Variants in MREG observed in about 807,000 individuals in gnomAD.
MREG encodes dilute suppressor protein homolog.
Under a neutral mutation model 28.5 loss-of-function variants are expected in MREG, and 31 were observed. That is an observed-to-expected ratio of 1.09 (90% CI 0.82 to 1.47). The LOEUF (loss-of-function observed/expected upper bound fraction) is 1.47, where lower values mean the gene tolerates loss of function less well. Among genes scored for constraint, MREG ranks in the 40% most tolerant of loss-of-function variants. The probability of loss-of-function intolerance (pLI) is 0.00; values close to 1 mark genes in which losing one functional copy is unlikely to be tolerated. For synonymous variants in MREG, 106 were observed against 95.2 expected, an observed-to-expected ratio of 1.11 and a Z score of -0.66; for missense variants, 256 against 257.4, an observed-to-expected ratio of 0.99 and a Z score of 0.04.
intron 2 of MREG, among the ~76,000 whole-genome samples, chr2:215,994,530 G>C (rs1046513986): frequency 6.7e-6 from 1 of 149,398 alleles, no homozygotes; most frequent in Non-Finnish European, 1.5e-5. Context: ...ACATTCTGCA[G>C]ATGTATCCCA....
intron 2 of MREG, among the ~76,000 whole-genome samples, chr2:215,970,871 T>C (rs1182581674): frequency 6.6e-6 from 1 of 152,156 alleles, no homozygotes; most frequent in Non-Finnish European, 1.5e-5. Flanking sequence ...AGCAAAGACT[T>C]GGAACCAGCC....
At chr2:215,970,693 G>A (rs1305076423) in intron 2 of MREG, among the ~76,000 whole-genome samples, 1 of 152,214 alleles carries the variant, frequency 6.6e-6, no homozygotes, top group Non-Finnish European at 1.5e-5. Flanking sequence ...TTTACGAACT[G>A]TAGAGTGGAA....
chr2:215,949,063 C>CTAATAA (rs1491311719), intron 2 of MREG, among the ~76,000 whole-genome samples: 1 of 139,164 alleles, frequency 7.2e-6, no homozygotes, highest in Admixed American at 7.5e-5. Context: ...ACTACTACTA[C>CTAATAA]TACTACTACT....
At chr2:216,020,937 CAGAG>C (rs1165978229) in intron 1 of MREG, among the ~76,000 whole-genome samples, 1 of 152,188 alleles carries the variant, frequency 6.6e-6, no homozygotes, top group African/African-American at 2.4e-5. Flanking sequence ...ACCAAACAGA[CAGAG>C]AGAAATTATT....
At chr2:216,013,593 T>C (rs1694377567), upstream of MREG, 1 of 155,936 alleles carries the variant, frequency 6.4e-6, no homozygotes, top group African/African-American at 2.4e-5. Flanking sequence ...CCGAGCGCAA[T>C]TTGGGGCGCA....
At chr2:215,998,828 C>G (rs1224528979) in intron 1 of MREG, among the ~76,000 whole-genome samples, 1 of 152,162 alleles carries the variant, frequency 6.6e-6, no homozygotes, top group Admixed American at 6.5e-5. Flanking sequence ...GAGTACCGGG[C>G]TGGGTGCCAT....
At chr2:215,998,850 G>A (rs2106019987) in intron 1 of MREG, among the ~76,000 whole-genome samples, 1 of 152,342 alleles carries the variant, frequency 6.6e-6, no homozygotes, top group South Asian at 2.1e-4. Flanking sequence ...GGGACATGAA[G>A]ATAAATAGGA....
chr2:215,974,850 A>ACTCT (rs1265665357), intron 2 of MREG, among the ~76,000 whole-genome samples: 1 of 132,960 alleles, frequency 7.5e-6, no homozygotes, highest in Non-Finnish European at 1.6e-5. Context: ...ACACACACAC[A>ACTCT]CACTCTCTCT....
chr2:216,012,473 C>T (rs1431684062), intron 1 of MREG, among the ~76,000 whole-genome samples: 1 of 152,190 alleles, frequency 6.6e-6, no homozygotes, highest in African/African-American at 2.4e-5. Context: ...GGAATTCCAC[C>T]TGAAATACTG....
chr2:216,028,365 A>G (rs556707509), intron 1 of MREG, among the ~76,000 whole-genome samples: 101 of 145,948 alleles, frequency 6.9e-4, no homozygotes, highest in Middle Eastern at 3.4e-3. Flanking sequence ...CGTCACTACT[A>G]AAAATACAAA....
At chr2:216,016,208 T>C (rs1694447188), upstream of MREG, among the ~76,000 whole-genome samples, 1 of 152,210 alleles carries the variant, frequency 6.6e-6, no homozygotes, top group African/African-American at 2.4e-5. Context: ...CCACACCATG[T>C]CGCTTACCAC....
rs1469497177 is a variant in MREG at position 216,013,380 on chromosome 2, C to G, written c.-53G>C. ...GAAGCCTGGGGCCGAGTCGCCGCGG[C>G]GAGCGATCGAGGCTGGGGCGCGGCC... On this transcript the variant is annotated 5_prime_UTR_variant, in exon 1 of 5. Transcript: ENST00000263268. The G allele has an allele frequency of 1.4e-6, 2 of 1,382,132 alleles. No homozygotes were observed. Among genetic ancestry groups the G allele is most frequent in the East Asian group, 3.0e-5 (1 of 33,776 alleles). The allele number at this position is 1,382,132 out of a possible 1,614,324, so 85.6% of individuals were successfully genotyped here. A position where few individuals can be genotyped will look rare whatever the true frequency, so the allele number is the denominator to read the frequency against.
At chr2:215,950,993 C>T (rs1376106430) in intron 2 of MREG, among the ~76,000 whole-genome samples, 1 of 150,028 alleles carries the variant, frequency 6.7e-6, no homozygotes, top group Non-Finnish European at 1.5e-5. Context: ...CTTCCCCCTT[C>T]TCTCTCTCTC....
Position 215,943,681 on chromosome 2 carries a change from A to C in MREG, c.*1182T>G. 2.9e-6 allele frequency: 1 copy of C among 346,350 alleles called. No homozygotes were observed. Among genetic ancestry groups the C allele is most frequent in the Non-Finnish European group, 5.7e-6 (1 of 174,890 alleles). The allele number at this position is 346,350 out of a possible 1,614,324, so 21.5% of individuals were successfully genotyped here. A position where few individuals can be genotyped will look rare whatever the true frequency, so the allele number is the denominator to read the frequency against. ...ATGGTGAAACCCCGTCTCTACTAAA[A>C]ATACAAAAAATTAGCCAGGTGTGGT... On this transcript the variant is annotated 3_prime_UTR_variant, in exon 5 of 5. Transcript: ENST00000263268.
intron 1 of MREG, among the ~76,000 whole-genome samples, chr2:215,999,125 C>T (rs557918678): frequency 8.5e-5 from 13 of 152,120 alleles, no homozygotes; most frequent in Non-Finnish European, 1.8e-4. Context: ...GTTGGGGAAT[C>T]GAAGTATTCC....
intron 2 of MREG, among the ~76,000 whole-genome samples, chr2:215,991,577 C>T (rs556730192): frequency 7.0e-4 from 105 of 149,510 alleles, no homozygotes; most frequent in African/African-American, 1.6e-3. Flanking sequence ...CACGAAAAAC[C>T]GTTCAAAAAA....
chr2:216,001,871 A>C (rs1694021626), intron 1 of MREG, among the ~76,000 whole-genome samples: 1 of 152,172 alleles, frequency 6.6e-6, no homozygotes, highest in South Asian at 2.1e-4. Flanking sequence ...CAAATGGCCT[A>C]AAGAGAAGCA....
intron 1 of MREG, among the ~76,000 whole-genome samples, chr2:216,004,385 G>A (rs114017008): frequency 0.018 from 2,814 of 152,192 alleles, 81 homozygotes; most frequent in African/African-American, 0.063. Flanking sequence ...CAAAAGCCAC[G>A]AGGACAGGGA....
chr2:215,989,124 A>G (rs1032522703), intron 2 of MREG, among the ~76,000 whole-genome samples: 5 of 152,184 alleles, frequency 3.3e-5, no homozygotes, highest in African/African-American at 9.7e-5. Flanking sequence ...AGGGGTCAAC[A>G]GATACCTCAT....
Sources: allele counts gnomAD v4.1 joint callset (sites outside exome capture counted in the v4.1 genomes callset), GRCh38; gene constraint gnomAD v4.1.1; transcripts MANE v1.5; gene names NCBI Gene and HGNC (gene_info 2026-07-23, HGNC 2026-07-21).